SLC25A41: variants seen among roughly 807,000 people sequenced by gnomAD.
SLC25A41 encodes solute carrier family 25 member 41.
Under a neutral mutation model 34.7 loss-of-function variants are expected in SLC25A41, and 35 were observed. The ratio of observed to expected loss-of-function variants is 1.01; its 90% CI spans 0.77 to 1.34. SLC25A41 has a LOEUF of 1.34. Ranked by LOEUF, SLC25A41 falls within the 40% of genes most tolerant of loss-of-function variation. SLC25A41 has a pLI of 0.00. For synonymous variants in SLC25A41, 190 were observed against 209.9 expected (o/e 0.91, Z 0.82); for missense variants, 492 against 489.8 (o/e 1.00, Z -0.04).
Position 6,432,213 on chromosome 19 carries a change from C to A in SLC25A41, c.208-9G>T, listed in dbSNP as rs777669499. 3 of 1,610,742 alleles carry A rather than the reference C, an allele frequency of 1.9e-6. No homozygotes were observed. Among genetic ancestry groups the A allele is most frequent in the South Asian group, 1.1e-5 (1 of 90,702 alleles). On this transcript the variant is annotated splice_polypyrimidine_tract_variant and intron_variant, in intron 1 of 6. Transcript: ENST00000321510. ...TCTCCTGTGTCCAGTACCTGCAGGG[C>A]AGACCCGGCCCTCCCTCATCCTCAG...
In SLC25A41 at chr19:6,427,996, GA is replaced by G. The variant is rs1261005888; in HGVS notation, c.625-496del. Among the ~76,000 whole-genome samples, 1 of 152,078 alleles carries G rather than the reference GA, an allele frequency of 6.6e-6. No individual in the cohort carries two copies. The highest frequency in any genetic ancestry group is 1.5e-5 in the Non-Finnish European group (1 of 68,016). On this transcript the variant is annotated intron_variant, in intron 4 of 6. Transcript: ENST00000321510. The surrounding 1 kb of genome is among the most constrained non-coding windows in gnomAD (Gnocchi z 4.9). ...TGGCAAAAAGATCAAGCACTGGGGG[GA>G]AAGAAAGAGAGTGAATAGGTAGAAA... is the stretch of plus-strand genomic sequence containing the variant.
chr19:6,434,414 G>C (rs995731159), upstream of SLC25A41, among the ~76,000 whole-genome samples: 3 of 152,182 alleles, frequency 2.0e-5, no homozygotes, highest in Admixed American at 2.0e-4. Flanking sequence ...TGTCTGCCAT[G>C]GGAGGACGCA....
chr19:6,429,786 C>A lies in SLC25A41; in HGVS notation c.562G>T (p.Glu188Ter). The A allele has an allele frequency of 1.2e-6, 2 of 1,610,830 alleles. No homozygotes were observed. Among genetic ancestry groups the A allele is most frequent in the Non-Finnish European group, 1.7e-6 (2 of 1,178,702 alleles). The change falls in exon 4 of 7, where the codon GAG becomes TAG. Residue 188 changes from glutamate to a stop codon, truncating the protein, a stop_gained. Transcript: ENST00000321510. LOFTEE classifies it high-confidence loss of function. ...GCCAGGGAGCCAGCAAGGAGACGCT[C>A]CTGGAAGGGCGGGGACCCTTGTATT... ...CGIQGSPPFQ[E>*]RLLAGSLAVA...
intron 2 of SLC25A41, among the ~76,000 whole-genome samples, chr19:6,431,052 GCGATCTTCCCACTTTGGCCTCC>G (rs2092283632): frequency 2.6e-5 from 4 of 151,928 alleles, no homozygotes; most frequent in African/African-American, 9.7e-5. Context: ...TTGGGCTCAA[GCGATCTTCCCACTTTGGCCTCC>G]CAAAGTGCTG....
Position 6,426,519 on chromosome 19 carries a change from T to A in SLC25A41, c.983A>T (p.Gln328Leu), listed in dbSNP as rs1381848724. The change falls in exon 7 of 7, where the codon CAG becomes CTG. Residue 328 changes from glutamine (Q) to leucine (L), a missense_variant. Gln to Leu is a moderately radical substitution (Grantham distance 113). Coordinates refer to ENST00000321510, the MANE Select transcript of SLC25A41 (RefSeq NM_173637.4). The part of the protein sequence containing the change: ...GSNPTMRGVL[Q>L]RILAQQGWLG... ...CCAGCCCTGCTGGGCCAGGATCCGC[T>A]GGAGGACTCCGCGCATGGTGGGATT... 6.2e-7 allele frequency: 1 copy of A among 1,613,280 alleles called. No individual in the cohort carries two copies. Among genetic ancestry groups the A allele is most frequent in the Admixed American group, 1.7e-5 (1 of 59,996 alleles).
chr19:6,429,723 C>T lies in SLC25A41; in HGVS notation c.624+1G>A. On this transcript the variant is annotated splice_donor_variant, in intron 4 of 6. Transcript: ENST00000321510. LOFTEE classifies it high-confidence loss of function. Reference sequence around the variant, plus strand: ...CACCTGCGGGGCACATGCTCTCTTACCTCCATGGGGTTGATGAGGGTCTGG... The same window carrying T: ...CACCTGCGGGGCACATGCTCTCTTATCTCCATGGGGTTGATGAGGGTCTGG... The T allele has an allele frequency of 6.3e-7, 1 of 1,575,930 alleles. No homozygotes were observed.
In SLC25A41 at chr19:6,426,243, G is replaced by A; in HGVS notation, c.*146C>T. On this transcript the variant is annotated 3_prime_UTR_variant, in exon 7 of 7. Transcript: ENST00000321510. ...CCAGCTTCAGGAATCTTCTGACCCA[G>A]AGCCCCACCCCCACCCCCAGCCTGC... The A allele has an allele frequency of 7.0e-6, 4 of 573,254 alleles. No individual in the cohort carries two copies. The highest frequency in any genetic ancestry group is 5.5e-5 in the South Asian group (2 of 36,108). 35.5% of individuals were successfully genotyped at this position (573,254 alleles called of 1,614,324 possible).
At chr19:6,432,239 C>G (rs1292375072) in intron 1 of SLC25A41, 35 bp from the exon 2 acceptor site, 2 of 1,600,180 alleles carry the variant, frequency 1.2e-6, no homozygotes, top group Non-Finnish European at 1.7e-6. Context: ...TCATCCTCAG[C>G]CAGGTTGGGG....
chr19:6,433,119 G>A (rs982174060), intron 1 of SLC25A41, among the ~76,000 whole-genome samples: 6 of 152,154 alleles, frequency 3.9e-5, no homozygotes, highest in Admixed American at 1.3e-4. Context: ...TGAGATCTGG[G>A]CTCACTGCAA....
intron 1 of SLC25A41, among the ~76,000 whole-genome samples, chr19:6,433,244 T>G (rs1367398371): frequency 6.6e-6 from 1 of 151,974 alleles, no homozygotes; most frequent in Non-Finnish European, 1.5e-5. Context: ...AGATAGGGTT[T>G]CGGCATGTTG....
Position 6,433,256 on chromosome 19 carries a change from C to G in SLC25A41, c.207+231G>C, listed in dbSNP as rs574781420. Among the ~76,000 whole-genome samples the G allele has an allele frequency of 3.9e-5, 6 of 152,106 alleles. No individual in the cohort carries two copies. The East Asian group carries it at 1.2e-3, about 29-fold the overall frequency. ...TAGAGATAGGGTTTCGGCATGTTGGCCAGGTTGGTCTTGAACTCCTGTCCT... is the reference window on the plus strand; with the variant it reads ...TAGAGATAGGGTTTCGGCATGTTGGGCAGGTTGGTCTTGAACTCCTGTCCT... On this transcript the variant is annotated intron_variant, in intron 1 of 6. Transcript: ENST00000321510.
At chr19:6,433,764 G>A, upstream of SLC25A41, 1 of 1,278,834 alleles carries the variant, frequency 7.8e-7, no homozygotes, top group Non-Finnish European at 1.1e-6. Flanking sequence ...ATGCGGGAGT[G>A]TCTAGTGGGA....
rs1281804017 is a variant in SLC25A41, at chr19:6,429,039, A to G, written c.624+685T>C. ...CCTGAAAATTTATATATATATATAT[A>G]ATATATATATTATATATATGTTATA... On this transcript the variant is annotated intron_variant, in intron 4 of 6. Coordinates refer to ENST00000321510, the MANE Select transcript of SLC25A41 (RefSeq NM_173637.4). Among the ~76,000 whole-genome samples, 42 of 26,968 alleles carry G rather than the reference A, an allele frequency of 1.6e-3. 9 individuals are homozygous for G. Among genetic ancestry groups the G allele is most frequent in the Admixed American group, 4.7e-3 (5 of 1,064 alleles). The allele number at this position is 26,968 out of a possible 152,430, so 17.7% of individuals were successfully genotyped here.
At chr19:6,433,400 A>C in intron 1 of SLC25A41, 87 bp downstream of exon 1, 1 of 1,315,916 alleles carries the variant, frequency 7.6e-7, no homozygotes, top group Non-Finnish European at 1.1e-6. Context: ...CTAGCAGGGG[A>C]GTGGGCCTGT....
At position 6,426,517 on chromosome 19, in the gene SLC25A41, G is replaced by A. The variant is rs200583733; in HGVS notation, c.985C>T (p.Arg329Trp). The stretch of plus-strand genomic sequence containing the variant: ...AGCCAGCCCTGCTGGGCCAGGATCC[G>A]CTGGAGGACTCCGCGCATGGTGGGA... Reference protein sequence around the residue: ...SNPTMRGVLQRILAQQGWLGL... With the variant: ...SNPTMRGVLQWILAQQGWLGL... The change falls in exon 7 of 7, where the codon CGG (arginine) becomes TGG (tryptophan). Residue 329 changes from arginine (R) to tryptophan (W), a missense_variant. Arg to Trp is a moderately radical substitution (Grantham distance 101). Coordinates refer to ENST00000321510, the MANE Select transcript of SLC25A41 (RefSeq NM_173637.4). The A allele has an allele frequency of 5.0e-5, 80 of 1,613,418 alleles. No individual in the cohort carries two copies. Among genetic ancestry groups the A allele is most frequent in the Middle Eastern group, 3.3e-4 (2 of 6,056 alleles).
chr19:6,431,336 A>T (rs940422830), intron 2 of SLC25A41, among the ~76,000 whole-genome samples: 8 of 150,762 alleles, frequency 5.3e-5, no homozygotes, highest in African/African-American at 2.0e-4. Flanking sequence ...GCAGCCTCCA[A>T]CTCCTGGGCT....
chr19:6,430,351 A>T (rs1014096736), intron 2 of SLC25A41, among the ~76,000 whole-genome samples, 190 bp from the exon 3 acceptor site: 6 of 149,326 alleles, frequency 4.0e-5, no homozygotes, highest in Admixed American at 3.3e-4. Context: ...ACCCAAAGCC[A>T]ACATCAACCT....
Position 6,432,088 on chromosome 19 carries a change from C to A in SLC25A41, c.324G>T (p.Thr108=). ...SGAMAGAVSR[T]GTAPLDRAKV... is the part of the protein sequence containing the mutation. ...TGGCTCTGTCCAGAGGTGCCGTGCC[C>A]GTGCGAGACACCGCCCCGGCCATAG... The change falls in exon 2 of 7, where the codon ACG becomes ACT. Residue 108 remains threonine (T), a synonymous_variant. Transcript: ENST00000321510. 1 of 1,613,812 alleles carries A rather than the reference C, an allele frequency of 6.2e-7. No homozygotes were observed. Among genetic ancestry groups the A allele is most frequent in the Non-Finnish European group, 8.5e-7 (1 of 1,179,814 alleles).
chr19:6,429,415 GAGGAGAAGGGAGAA>G, intron 4 of SLC25A41, among the ~76,000 whole-genome samples: 4 of 34,854 alleles, frequency 1.1e-4, no homozygotes, highest in South Asian at 1.7e-3. Flanking sequence ...AGGAAGAGGG[GAGGAGAAGGGAGAA>G]AGGAGGAGGG....
Sources: allele counts gnomAD v4.1 joint callset (sites outside exome capture counted in the v4.1 genomes callset), GRCh38; gene constraint gnomAD v4.1.1; non-coding constraint Gnocchi (gnomAD v3.1); transcripts MANE v1.5; gene names NCBI Gene and HGNC (gene_info 2026-07-23, HGNC 2026-07-21).